MALRD1: variants seen among roughly 807,000 people sequenced by gnomAD.
The protein encoded by MALRD1 is MAM and LDL receptor class A domain containing 1.
Under a neutral mutation model 242.1 loss-of-function variants are expected in MALRD1, and 247 were observed. That is an observed-to-expected ratio of 1.02 (90% CI 0.92 to 1.13). The LOEUF (loss-of-function observed/expected upper bound fraction) is 1.13. Among genes scored for constraint, MALRD1 ranks in the 50% most tolerant of loss-of-function variants. The pLI, the probability that MALRD1 is intolerant of heterozygous loss-of-function variation, is 0.00. For missense variants in MALRD1, 2,989 were observed against 2,533.1 expected, an observed-to-expected ratio of 1.18 and a Z score of -3.86; for synonymous variants, 995 against 866.6, an observed-to-expected ratio of 1.15 and a Z score of -2.60.
At chr10:19,317,335 A>G (rs139192103) in intron 21 of MALRD1, among the ~76,000 whole-genome samples, 1 of 151,894 alleles carries the variant, frequency 6.6e-6, no homozygotes, top group Non-Finnish European at 1.5e-5. Context: ...AGTAATCCCA[A>G]TCATGACAGT....
intron 33 of MALRD1, among the ~76,000 whole-genome samples, chr10:19,587,745 C>G (rs1189832823): frequency 3.3e-5 from 5 of 151,968 alleles, no homozygotes; most frequent in African/African-American, 1.2e-4. Context: ...GTATGGTAAT[C>G]AGAGAGATGT....
In MALRD1 at chr10:19,146,191, G is replaced by C. The variant is rs1185835001; in HGVS notation, c.1412-7G>C. ...TCCTCACCTGTTTTCTCTTCTACGTGTAACAGCAAAGCATCTCACCTGTGA... is the reference window on the plus strand; with the variant it reads ...TCCTCACCTGTTTTCTCTTCTACGTCTAACAGCAAAGCATCTCACCTGTGA... On this transcript the variant is annotated splice_region_variant and splice_polypyrimidine_tract_variant and intron_variant, in intron 10 of 39. Coordinates refer to ENST00000454679, the MANE Select transcript of MALRD1 (RefSeq NM_001142308.3). The C allele has an allele frequency of 8.1e-7, 1 of 1,231,456 alleles. No individual in the cohort carries two copies. The highest frequency in any genetic ancestry group is 4.1e-5 in the South Asian group (1 of 24,318). 76.3% of individuals were successfully genotyped at this position (1,231,456 alleles called of 1,614,324 possible).
intron 19 of MALRD1, among the ~76,000 whole-genome samples, chr10:19,263,467 C>T (rs1464034663): frequency 6.6e-6 from 1 of 151,772 alleles, no homozygotes; most frequent in Non-Finnish European, 1.5e-5. Flanking sequence ...GGTATTTTGC[C>T]CCTCTTAAAA....
chr10:19,121,847 A>G (rs1837077688), intron 5 of MALRD1, among the ~76,000 whole-genome samples: 1 of 152,164 alleles, frequency 6.6e-6, no homozygotes, highest in Non-Finnish European at 1.5e-5. Context: ...TGAGCTGAGA[A>G]TGACAATAGG....
At position 19,270,846 on chromosome 10, in the gene MALRD1, A is replaced by ACACG. The variant is rs1298916373; in HGVS notation, c.3080-9198_3080-9197insGCAC. Among the ~76,000 whole-genome samples, 4 of 149,330 alleles carry ACACG rather than the reference A, an allele frequency of 2.7e-5. No individual in the cohort carries two copies. The East Asian group carries it at 5.8e-4, about 22-fold the overall frequency. ...CACACACACACACACACACACACGC[A>ACACG]CACACAAAATAATATTATTTCACTG... is the stretch of plus-strand genomic sequence containing the variant. On this transcript the variant is annotated intron_variant, in intron 19 of 39. Coordinates refer to ENST00000454679, the MANE Select transcript of MALRD1 (RefSeq NM_001142308.3).
chr10:19,721,060 G>T (rs1158911383), intron 38 of MALRD1, among the ~76,000 whole-genome samples: 1 of 151,802 alleles, frequency 6.6e-6, no homozygotes, highest in African/African-American at 2.4e-5. Flanking sequence ...TTGATTTTTA[G>T]GATGAGATGA....
At chr10:19,368,952 T>C (rs1845239862) in intron 26 of MALRD1, among the ~76,000 whole-genome samples, 1 of 149,026 alleles carries the variant, frequency 6.7e-6, no homozygotes, top group African/African-American at 2.4e-5. Flanking sequence ...CTTTAAATAA[T>C]ATATCAGTAA....
chr10:19,355,865 T>TATATATATATATGA (rs1564589448), intron 26 of MALRD1, among the ~76,000 whole-genome samples: 3 of 59,676 alleles, frequency 5.0e-5, no homozygotes, highest in Non-Finnish European at 1.1e-4. Flanking sequence ...ATATTATATA[T>TATATATATATATGA]GATATATATT....
At chr10:19,590,076 G>A (rs1412547955) in intron 33 of MALRD1, among the ~76,000 whole-genome samples, 3 of 151,982 alleles carry the variant, frequency 2.0e-5, no homozygotes, top group Non-Finnish European at 4.4e-5. Context: ...GTAAGAAATG[G>A]ACCAATGTGC....
chr10:19,429,075 T>C (rs1834017126), intron 28 of MALRD1, among the ~76,000 whole-genome samples: 1 of 152,232 alleles, frequency 6.6e-6, no homozygotes, highest in Non-Finnish European at 1.5e-5. Context: ...GTATGTGTAC[T>C]ATAAGAACTT....
At chr10:19,584,652 G>A (rs1837298649) in intron 33 of MALRD1, among the ~76,000 whole-genome samples, 2 of 151,700 alleles carry the variant, frequency 1.3e-5, no homozygotes, top group Non-Finnish European at 2.9e-5. Flanking sequence ...CAATTATGTG[G>A]TCAATTTTGG....
chr10:19,619,467 C>A (rs1335347873), intron 36 of MALRD1, among the ~76,000 whole-genome samples: 1 of 151,974 alleles, frequency 6.6e-6, no homozygotes, highest in Non-Finnish European at 1.5e-5. Context: ...TTTTGCCCAA[C>A]TTTTTACTAG....
At chr10:19,094,436 C>G in intron 4 of MALRD1, among the ~76,000 whole-genome samples, 1 of 147,808 alleles carries the variant, frequency 6.8e-6, no homozygotes, top group Non-Finnish European at 1.5e-5. Flanking sequence ...GGCAATGCCT[C>G]GCCCTGCTTC....
At chr10:19,491,334 A>G in intron 29 of MALRD1, 183 bp from the exon 30 acceptor site, 4 of 758,118 alleles carry the variant, frequency 5.3e-6, no homozygotes, top group Non-Finnish European at 6.4e-6. Flanking sequence ...TAGAGTCTAT[A>G]TAACTTGCTG....
chr10:19,387,279 C>T (rs1433018520), intron 26 of MALRD1, among the ~76,000 whole-genome samples: 1 of 144,564 alleles, frequency 6.9e-6, no homozygotes, highest in Non-Finnish European at 1.5e-5. Context: ...GGGTACTTTC[C>T]TAGATCAATA....
intron 19 of MALRD1, among the ~76,000 whole-genome samples, chr10:19,279,091 A>T (rs2131874826): frequency 6.6e-6 from 1 of 152,268 alleles, no homozygotes; most frequent in South Asian, 2.1e-4. Context: ...CCAGTCGTCC[A>T]TGCACAGAGG....
At chr10:19,495,981 GTA>G (rs1837698101) in intron 30 of MALRD1, among the ~76,000 whole-genome samples, 1 of 152,038 alleles carries the variant, frequency 6.6e-6, no homozygotes, top group African/African-American at 2.4e-5. Context: ...GACAATGACT[GTA>G]GATATGGTAA....
chr10:19,146,065 C>T (rs543499827), intron 10 of MALRD1, 133 bp from the exon 11 acceptor site: 19 of 596,852 alleles, frequency 3.2e-5, no homozygotes, highest in Admixed American at 1.3e-4. Context: ...AAAGCTATTC[C>T]GATCATTAGA....
intron 2 of MALRD1, among the ~76,000 whole-genome samples, chr10:19,083,218 G>C (rs1835551330): frequency 6.6e-6 from 1 of 152,002 alleles, no homozygotes; most frequent in African/African-American, 2.4e-5. Context: ...GTTTTGCTGA[G>C]GGATTCTGTG....
Sources: gnomAD v4.1 joint callset for allele counts (sites outside exome capture counted in the v4.1 genomes callset) on GRCh38, gnomAD v4.1.1 for gene constraint, MANE v1.5 for transcripts, NCBI Gene and HGNC (gene_info 2026-07-23, HGNC 2026-07-21) for gene names.